USH2A: variants seen among roughly 807,000 people sequenced by gnomAD.
The protein encoded by USH2A is usherin.
In USH2A, 443 loss-of-function variants were observed where a neutral mutation model predicts 538.9. The ratio of observed to expected loss-of-function variants is 0.82; its 90% CI spans 0.76 to 0.89. The LOEUF (loss-of-function observed/expected upper bound fraction) is 0.89. USH2A is among the 40% of genes least tolerant of loss of function. The pLI, the probability that USH2A is intolerant of heterozygous loss-of-function variation, is 0.00. For synonymous variants in USH2A, 2,413 were observed against 2,273.5 expected, an observed-to-expected ratio of 1.06 and a Z score of -1.75; for missense variants, 6,633 against 6,324.8, an observed-to-expected ratio of 1.05 and a Z score of -1.65.
At chr1:216,048,734 T>TA in intron 30 of USH2A, 87 bp from the exon 31 acceptor site, 1 of 1,115,770 alleles carries the variant, frequency 9.0e-7, no homozygotes, top group Non-Finnish European at 1.4e-6. Context: ...TGTGTGTCTA[T>TA]AAGAGAGAGA....
intron 35 of USH2A, among the ~76,000 whole-genome samples, chr1:215,985,472 C>A (rs1272822256): frequency 6.6e-6 from 1 of 152,102 alleles, no homozygotes; most frequent in Admixed American, 6.6e-5. Context: ...TCTGCTTAAC[C>A]AGCTGTCTTG....
intron 58 of USH2A, among the ~76,000 whole-genome samples, chr1:215,753,389 T>C (rs1660683577): frequency 2.0e-5 from 3 of 152,040 alleles, no homozygotes; most frequent in Non-Finnish European, 4.4e-5. Context: ...CTATTCACAA[T>C]AGCAAAGACT....
intron 34 of USH2A, among the ~76,000 whole-genome samples, chr1:215,996,987 C>A (rs1668157827): frequency 6.6e-6 from 1 of 152,082 alleles, no homozygotes. Flanking sequence ...AGTCGACATG[C>A]TAAAATGATC....
At chr1:215,834,701 A>T (rs1663425777) in intron 47 of USH2A, among the ~76,000 whole-genome samples, 1 of 151,052 alleles carries the variant, frequency 6.6e-6, no homozygotes, top group Non-Finnish European at 1.5e-5. Context: ...CTTTTTAGTC[A>T]TATTGTTGGT....
intron 43 of USH2A, among the ~76,000 whole-genome samples, chr1:215,868,723 A>G (rs963267401): frequency 2.0e-5 from 3 of 152,210 alleles, no homozygotes; most frequent in Non-Finnish European, 4.4e-5. Context: ...AAGAAAAAAG[A>G]GAGAGAAATT....
intron 4 of USH2A, among the ~76,000 whole-genome samples, chr1:216,343,371 CAAAAA>C (rs1206103461): frequency 2.3e-5 from 2 of 87,670 alleles, no homozygotes; most frequent in African/African-American, 3.8e-5. Context: ...ACCATCTCTA[CAAAAA>C]AAAAAAAAAA....
intron 62 of USH2A, among the ~76,000 whole-genome samples, chr1:215,677,994 C>T (rs769897679): frequency 2.6e-4 from 39 of 152,244 alleles, no homozygotes; most frequent in African/African-American, 8.4e-4. Context: ...CATCTCAAAG[C>T]GCTCCCTTTC....
chr1:215,765,951 A>C (rs1235413238), intron 56 of USH2A, among the ~76,000 whole-genome samples: 2 of 152,208 alleles, frequency 1.3e-5, no homozygotes, highest in East Asian at 1.9e-4. Context: ...ATCCTGGTGC[A>C]TGCCTCCTTG....
At chr1:215,910,121 A>G (rs1213184731) in intron 38 of USH2A, among the ~76,000 whole-genome samples, 1 of 151,988 alleles carries the variant, frequency 6.6e-6, no homozygotes, top group Admixed American at 6.6e-5. Flanking sequence ...CTTAATTTCT[A>G]GAATGCTTGT....
chr1:215,741,364 G>C lies in USH2A; in HGVS notation c.11711+11C>G, dbSNP rs898593481. 5.6e-6 allele frequency: 9 copies of C among 1,613,574 alleles called. No individual in the cohort carries two copies. In the African/African-American group the frequency reaches 8.0e-5, roughly 14 times the overall value. On this transcript the variant is annotated intron_variant, in intron 60 of 71. Coordinates refer to ENST00000307340, the MANE Select transcript of USH2A (RefSeq NM_206933.4). ...TAAATAACTAAAAATAATAGTAACA[G>C]CCAATCTTACCTGTAAATAAAGTAG...
intron 32 of USH2A, among the ~76,000 whole-genome samples, chr1:216,025,148 T>C (rs542974203): frequency 1.3e-5 from 2 of 152,048 alleles, no homozygotes; most frequent in African/African-American, 4.8e-5. Flanking sequence ...CAAGCTCTTT[T>C]GTTTTTTATA....
chr1:215,803,422 A>T (rs2102783337), intron 49 of USH2A, among the ~76,000 whole-genome samples: 1 of 152,336 alleles, frequency 6.6e-6, no homozygotes, highest in East Asian at 1.9e-4. Context: ...GCTGATAGGC[A>T]ACTTCAGCAA....
intron 37 of USH2A, among the ~76,000 whole-genome samples, chr1:215,958,837 C>T (rs892660641): frequency 5.3e-5 from 8 of 152,066 alleles, no homozygotes; most frequent in African/African-American, 1.9e-4. Flanking sequence ...GTTTTCTTTT[C>T]TGTTTTGCAG....
intron 30 of USH2A, among the ~76,000 whole-genome samples, chr1:216,050,569 T>C (rs6704163): frequency 1.2e-3 from 46 of 38,784 alleles, no homozygotes; most frequent in African/African-American, 3.8e-3. Flanking sequence ...TTTTTCTTTC[T>C]TTCTTTCTTT....
Position 216,198,232 on chromosome 1 carries a change from C to T in USH2A, c.4081+83G>A, listed in dbSNP as rs1200728113. ...TCTAATTCTTGCTTTTCAAAATGTACTTTCACAGTACTTTGACTTTAATTT... is the reference window on the plus strand; with the variant it reads ...TCTAATTCTTGCTTTTCAAAATGTATTTTCACAGTACTTTGACTTTAATTT... On this transcript the variant is annotated intron_variant, in intron 18 of 71. Coordinates refer to ENST00000307340, the MANE Select transcript of USH2A (RefSeq NM_206933.4). 6.9e-6 allele frequency: 11 copies of T among 1,596,038 alleles called. No individual in the cohort carries two copies. In the Admixed American group the frequency reaches 1.7e-4, roughly 25 times the overall value.
rs758614136 is a variant in USH2A at position 215,798,948 on chromosome 1, C to T, written c.9917G>A (p.Cys3306Tyr). ...GRQIVSNDLECCGGEEGVVYN... is the reference protein window; with the variant it reads ...GRQIVSNDLEYCGGEEGVVYN... Reference sequence around the variant, plus strand: ...CACCACTCCTTCTTCTCCACCACAACACTCTAAATCGTTGCTCACAATCTG... The same window carrying T: ...CACCACTCCTTCTTCTCCACCACAATACTCTAAATCGTTGCTCACAATCTG... Residue 3306 changes from cysteine (C) to tyrosine (Y), a missense_variant, in exon 50 of 72, where the codon TGT becomes TAT. Physicochemically the swap from Cys to Tyr is radical, Grantham distance 194. Transcript: ENST00000307340. 9 of 1,613,968 alleles carry T rather than the reference C, an allele frequency of 5.6e-6. No individual in the cohort carries two copies. The African/African-American group carries it at 9.3e-5, about 17-fold the overall frequency.
At chr1:215,925,500 T>C (rs1666215478) in intron 38 of USH2A, among the ~76,000 whole-genome samples, 1 of 152,184 alleles carries the variant, frequency 6.6e-6, no homozygotes. Flanking sequence ...ATTGTGTAGC[T>C]TTTAATATAC....
intron 2 of USH2A, among the ~76,000 whole-genome samples, chr1:216,419,069 C>T (rs374270086): frequency 6.6e-6 from 1 of 151,948 alleles, no homozygotes; most frequent in Non-Finnish European, 1.5e-5. Context: ...GTCATCAGTG[C>T]AAAAATTTTT....
At chr1:216,100,601 G>T (rs2032554244) in intron 21 of USH2A, among the ~76,000 whole-genome samples, 1 of 152,132 alleles carries the variant, frequency 6.6e-6, no homozygotes, top group Non-Finnish European at 1.5e-5. Context: ...TTTGGAACAT[G>T]AAGAGAGCAA....
Sources: allele counts gnomAD v4.1 joint callset (sites outside exome capture counted in the v4.1 genomes callset), GRCh38; gene constraint gnomAD v4.1.1; transcripts MANE v1.5; gene names NCBI Gene and HGNC (gene_info 2026-07-23, HGNC 2026-07-21).